The following EIF2AK2 variants were observed in gnomAD, a reference collection of about 807,000 sequenced individuals.
EIF2AK2 encodes interferon-induced, double-stranded RNA-activated protein kinase.
In EIF2AK2, 40 loss-of-function variants were observed where a neutral mutation model predicts 70.5. That is an observed-to-expected ratio of 0.57 (90% CI 0.44 to 0.74). The LOEUF (loss-of-function observed/expected upper bound fraction) is 0.74. EIF2AK2 is among the 30% of genes least tolerant of loss of function. The pLI, the probability that EIF2AK2 is intolerant of heterozygous loss-of-function variation, is 0.00. For synonymous variants in EIF2AK2, 198 were observed against 220.9 expected, an observed-to-expected ratio of 0.90 and a Z score of 0.92; for missense variants, 555 against 644.3, an observed-to-expected ratio of 0.86 and a Z score of 1.50.
intron 15 of EIF2AK2, among the ~76,000 whole-genome samples, chr2:37,108,917 C>A (rs1296467528): frequency 6.6e-6 from 1 of 152,130 alleles, no homozygotes; most frequent in Non-Finnish European, 1.5e-5. Flanking sequence ...CAGTGTCTTA[C>A]ACAAAGCAGT....
chr2:37,136,274 G>A (rs1482729079), intron 9 of EIF2AK2, among the ~76,000 whole-genome samples: 1 of 152,210 alleles, frequency 6.6e-6, no homozygotes, highest in South Asian at 2.1e-4. Context: ...TGTTCAAAGT[G>A]AAGCAATCTT....
At chr2:37,144,506 G>A (rs901315108) in intron 4 of EIF2AK2, among the ~76,000 whole-genome samples, 2 of 152,148 alleles carry the variant, frequency 1.3e-5, no homozygotes. Flanking sequence ...AAAATCTGGA[G>A]GTGGAAGATG....
chr2:37,121,130 G>A (rs559168409), intron 12 of EIF2AK2, among the ~76,000 whole-genome samples: 47 of 149,214 alleles, frequency 3.1e-4, no homozygotes, highest in African/African-American at 9.9e-4. Flanking sequence ...GGGCGTGGTG[G>A]CGGGCGCCTG....
intron 10 of EIF2AK2, among the ~76,000 whole-genome samples, chr2:37,128,780 G>C (rs998065887): frequency 6.6e-6 from 1 of 152,150 alleles, no homozygotes; most frequent in East Asian, 1.9e-4. Context: ...CAATGATGCA[G>C]TCCCCCATAG....
At chr2:37,131,223 T>C (rs1013541908) in intron 10 of EIF2AK2, among the ~76,000 whole-genome samples, 1 of 152,194 alleles carries the variant, frequency 6.6e-6, no homozygotes, top group Non-Finnish European at 1.5e-5. Context: ...GCCCCCACTT[T>C]AGGCCTTCCA....
At chr2:37,149,184 C>T (rs551311427) in intron 1 of EIF2AK2, 161 bp from the exon 2 acceptor site, 3 of 1,082,318 alleles carry the variant, frequency 2.8e-6, no homozygotes, top group African/African-American at 3.1e-5. Context: ...TGTTTCTATG[C>T]TTGTCGTGCC....
Position 37,113,006 on chromosome 2 carries a change from C to T in EIF2AK2, c.1377+1725G>A, listed in dbSNP as rs866681753. On this transcript the variant is annotated intron_variant, in intron 14 of 16. Transcript: ENST00000233057. ...CATTTAAATAATTAACTGCTTAACACGTAGTGATGAAGCAACTGCATATTC... is the reference window on the plus strand; with the variant it reads ...CATTTAAATAATTAACTGCTTAACATGTAGTGATGAAGCAACTGCATATTC... 8.5e-5 allele frequency among the ~76,000 whole-genome samples: 13 copies of T among 152,150 alleles called. No individual in the cohort carries two copies. In the East Asian group the frequency reaches 1.7e-3, roughly 20 times the overall value.
intron 1 of EIF2AK2, among the ~76,000 whole-genome samples, chr2:37,154,379 G>A (rs1305975119): frequency 1.3e-5 from 2 of 151,794 alleles, no homozygotes; most frequent in East Asian, 1.9e-4. Flanking sequence ...ATTCAATCAT[G>A]CAGTCTCCAC....
chr2:37,147,817 C>T lies in EIF2AK2; in HGVS notation c.-11G>A, dbSNP rs372219254. On this transcript the variant is annotated 5_prime_UTR_variant, in exon 3 of 17. Coordinates refer to ENST00000233057, the MANE Select transcript of EIF2AK2 (RefSeq NM_001135651.3). The stretch of plus-strand genomic sequence containing the variant: ...AAGATCACCAGCCATTTCTTCTTCC[C>T]GTATCCTACAATGGAAGAGACATTT... 2.5e-5 allele frequency: 40 copies of T among 1,585,188 alleles called. No individual in the cohort carries two copies. The highest frequency in any genetic ancestry group is 7.7e-5 in the South Asian group (7 of 90,442).
chr2:37,127,823 A>G (rs1674796180), intron 10 of EIF2AK2, among the ~76,000 whole-genome samples: 1 of 149,790 alleles, frequency 6.7e-6, no homozygotes, highest in Admixed American at 6.7e-5. Context: ...GCTCACTGCA[A>G]CCTCCACCCT....
Position 37,122,551 on chromosome 2 carries a change from A to C in EIF2AK2, c.1022T>G (p.Leu341Arg). Residue 341 changes from leucine to arginine, a missense_variant, in exon 12 of 17, where the codon CTT (leucine) becomes CGT (arginine). Leu to Arg is a moderately radical substitution (Grantham distance 102). Coordinates refer to ENST00000233057, the MANE Select transcript of EIF2AK2 (RefSeq NM_001135651.3). The part of the protein sequence containing the change: ...DYDPETSDDS[L>R]ESSDYDPENS... ...CTCAGGATCATAATCACTGCTCTCAAGAGAATCATCACTGGTCTCAGGATC... is the reference window on the plus strand; with the variant it reads ...CTCAGGATCATAATCACTGCTCTCACGAGAATCATCACTGGTCTCAGGATC... The C allele has an allele frequency of 1.2e-6, 2 of 1,614,172 alleles. No homozygotes were observed. The highest frequency in any genetic ancestry group is 1.1e-5 in the South Asian group (1 of 91,072).
At chr2:37,110,097 G>A (rs1293370229) in intron 14 of EIF2AK2, among the ~76,000 whole-genome samples, 2 of 150,030 alleles carry the variant, frequency 1.3e-5, no homozygotes, top group African/African-American at 2.5e-5. Flanking sequence ...TTTTTGAGAC[G>A]GAGTCCCGCT....
At position 37,122,493 on chromosome 2, in the gene EIF2AK2, TA is replaced by T. The variant is rs1225826459; in HGVS notation, c.1067+12del. 1 of 1,611,656 alleles carries T rather than the reference TA, an allele frequency of 6.2e-7. No homozygotes were observed. Among genetic ancestry groups the T allele is most frequent in the Non-Finnish European group, 8.5e-7 (1 of 1,179,414 alleles). On this transcript the variant is annotated intron_variant, in intron 12 of 16. Transcript: ENST00000233057. ...CCATCCTATTATGGCTATGAGAATTTATTTTTAGTTACCTTGAACTATTTTT... is the reference window on the plus strand; with the variant it reads ...CCATCCTATTATGGCTATGAGAATTTTTTTTAGTTACCTTGAACTATTTTT...
At chr2:37,119,226 C>T (rs1674448405) in intron 13 of EIF2AK2, among the ~76,000 whole-genome samples, 1 of 152,150 alleles carries the variant, frequency 6.6e-6, no homozygotes, top group Non-Finnish European at 1.5e-5. Context: ...AATGAAAATA[C>T]TAAGGGATGA....
At chr2:37,134,537 G>A (rs55759835) in intron 10 of EIF2AK2, among the ~76,000 whole-genome samples, 22,117 of 152,172 alleles carry the variant, frequency 0.15, 1,919 homozygotes, top group Admixed American at 0.27. Flanking sequence ...GCTGCCCCTA[G>A]CGCCCACCTT....
At chr2:37,122,734 T>C (rs1674599954) in intron 11 of EIF2AK2, 70 bp from the exon 12 acceptor site, 2 of 1,576,864 alleles carry the variant, frequency 1.3e-6, no homozygotes, top group South Asian at 2.3e-5. Flanking sequence ...AAACACCTCA[T>C]GTAATAGACA....
intron 1 of EIF2AK2, among the ~76,000 whole-genome samples, chr2:37,154,325 CA>C (rs72236179): frequency 0.44 from 60,779 of 139,502 alleles, 13,000 homozygotes; most frequent in East Asian, 0.77. Flanking sequence ...AACTCCGTCT[CA>C]AAAAAAAAAA....
At position 37,100,421 on chromosome 2, in the gene EIF2AK2, G is replaced by A. The variant is rs1673799547; in HGVS notation, c.*6852C>T. ...AATTTGTTAGTTATAGCAGCCATAA[G>A]AAATTAATACAGGTCCAAATCAAAT... On this transcript the variant is annotated 3_prime_UTR_variant, in exon 17 of 17. Coordinates refer to ENST00000233057, the MANE Select transcript of EIF2AK2 (RefSeq NM_001135651.3). 1 of 152,208 alleles carries A rather than the reference G, an allele frequency of 6.6e-6. No homozygotes were observed. The highest frequency in any genetic ancestry group is 6.5e-5 in the Admixed American group (1 of 15,286). The allele number at this position is 152,208 out of a possible 1,614,324, so 9.4% of individuals were successfully genotyped here.
intron 1 of EIF2AK2, among the ~76,000 whole-genome samples, chr2:37,154,869 T>C (rs1292573666): frequency 6.6e-6 from 1 of 152,142 alleles, no homozygotes; most frequent in African/African-American, 2.4e-5. Context: ...GGCCTGGTTT[T>C]CTTCTGTTCT....
Sources: gnomAD v4.1 joint callset for allele counts (sites outside exome capture counted in the v4.1 genomes callset) on GRCh38, gnomAD v4.1.1 for gene constraint, MANE v1.5 for transcripts, NCBI Gene and HGNC (gene_info 2026-07-23, HGNC 2026-07-21) for gene names.